The following PSMC6 variants were observed in gnomAD, a reference collection of about 807,000 sequenced individuals.
PSMC6 encodes the protein 26S proteasome regulatory subunit 10B.
PSMC6 carries 3 observed loss-of-function variants against 55.9 expected under a neutral mutation model. The observed-to-expected ratio is 0.05, with a 90% CI of 0.02 to 0.14. PSMC6 has a LOEUF of 0.14. PSMC6 is among the 10% of genes least tolerant of loss of function. The pLI is 1.00. For synonymous variants in PSMC6, 137 were observed against 155.9 expected, an observed-to-expected ratio of 0.88 and a Z score of 0.90; for missense variants, 210 against 478.7, an observed-to-expected ratio of 0.44 and a Z score of 5.24.
chr14:52,708,224 T>A, intron 1 of PSMC6, 85 bp from the exon 2 acceptor site: 1 of 1,161,360 alleles, frequency 8.6e-7, no homozygotes, highest in Non-Finnish European at 1.3e-6. Context: ...GAAGTAGACT[T>A]ACGTAAACAG....
chr14:52,724,135 G>C, intron 13 of PSMC6, 99 bp downstream of exon 13: 1 of 1,140,732 alleles, frequency 8.8e-7, no homozygotes, highest in Non-Finnish European at 1.3e-6. Context: ...ACTTTGCAAG[G>C]ATTTGGGTTC....
chr14:52,718,570 C>T (rs557619587), intron 9 of PSMC6: 3 of 481,596 alleles, frequency 6.2e-6, no homozygotes, highest in East Asian at 8.2e-5. Context: ...GGGCAGATCA[C>T]CAGGTCAGGA....
chr14:52,711,163 C>T lies in PSMC6; in HGVS notation c.321C>T (p.Ile107=), dbSNP rs757504837. 49 of 1,612,780 alleles carry T rather than the reference C, an allele frequency of 3.0e-5. No individual in the cohort carries two copies. The East Asian group carries it at 1.0e-3, about 34-fold the overall frequency. ...CTTTGGATATGACTACACTAACTATCATGAGGTGGGTTTCTTATTCTATTT... is the reference window on the plus strand; with the variant it reads ...CTTTGGATATGACTACACTAACTATTATGAGGTGGGTTTCTTATTCTATTT... ...RVALDMTTLT[I]MRYLPREVDP... Residue 107 remains isoleucine (I), a synonymous_variant, in exon 5 of 14, where the codon ATC becomes ATT. Transcript: ENST00000445930.
rs71444775 is a variant in PSMC6, at chr14:52,720,367, C to CAAAAAAA, written c.778-470_778-464dup. 2.3e-3 allele frequency among the ~76,000 whole-genome samples: 94 copies of CAAAAAAA among 41,480 alleles called. 14 individuals are homozygous for CAAAAAAA. The highest frequency in any genetic ancestry group is 3.1e-3 in the African/African-American group (35 of 11,250). The allele number at this position is 41,480 out of a possible 152,430, so 27.2% of individuals were successfully genotyped here. ...TGGGTGACAGAGTGAAACTCTGTCT[C>CAAAAAAA]AAAAAAAAAAAAAAAAAAAAAAAAA... On this transcript the variant is annotated intron_variant, in intron 10 of 13. Transcript: ENST00000445930.
intron 10 of PSMC6, among the ~76,000 whole-genome samples, chr14:52,719,478 G>A (rs1281311965): frequency 1.3e-5 from 2 of 152,146 alleles, no homozygotes; most frequent in African/African-American, 4.8e-5. Context: ...TAATTGAAGA[G>A]GATAGATGAC....
chr14:52,726,619 A>T (rs955168391), intron 13 of PSMC6, among the ~76,000 whole-genome samples: 1 of 152,112 alleles, frequency 6.6e-6, no homozygotes, highest in Admixed American at 6.6e-5. Flanking sequence ...AATCAGATAC[A>T]GGGACCATTT....
rs560426368 is a variant in PSMC6, at chr14:52,727,874, A to G, written c.*257A>G. On this transcript the variant is annotated 3_prime_UTR_variant, in exon 14 of 14. Transcript: ENST00000445930. ...CATATTTGCTGCGTGAGCATTTTGT[A>G]AAATATTGAAAGTGGTTTGAGATAG... 3.2e-6 allele frequency: 1 copy of G among 312,332 alleles called. No homozygotes were observed. The highest frequency in any genetic ancestry group is 2.2e-5 in the African/African-American group (1 of 46,508). The allele number at this position is 312,332 out of a possible 1,614,324, so 19.3% of individuals were successfully genotyped here.
Position 52,708,250 on chromosome 14 carries a change from C to T in PSMC6, c.86-59C>T, listed in dbSNP as rs993204635. 1.1e-5 allele frequency: 16 copies of T among 1,410,794 alleles called. No homozygotes were observed. The Admixed American group carries it at 1.2e-4, about 11-fold the overall frequency. The allele number at this position is 1,410,794 out of a possible 1,614,324, so 87.4% of individuals were successfully genotyped here. A position where few individuals can be genotyped will look rare whatever the true frequency, so the allele number is the denominator to read the frequency against. On this transcript the variant is annotated intron_variant, in intron 1 of 13. Transcript: ENST00000445930. ...ACGTAAACAGTAAAGTGAGACGTAGCGACTTAAACACACTAAGATTACTGT... is the reference window on the plus strand; with the variant it reads ...ACGTAAACAGTAAAGTGAGACGTAGTGACTTAAACACACTAAGATTACTGT...
chr14:52,711,390 T>G lies in PSMC6; in HGVS notation c.327-20T>G. On this transcript the variant is annotated intron_variant, in intron 5 of 13. Coordinates refer to ENST00000445930, the MANE Select transcript of PSMC6 (RefSeq NM_002806.5). ...GAAAATATATCTTTCAAAAGAAAAA[T>G]ACATACCTTTTCATTCTAGATATTT... The G allele has an allele frequency of 6.4e-7, 1 of 1,561,880 alleles. No individual in the cohort carries two copies. Among genetic ancestry groups the G allele is most frequent in the Non-Finnish European group, 8.8e-7 (1 of 1,138,958 alleles).
At chr14:52,722,527 G>C (rs1321939758) in intron 12 of PSMC6, 1 of 152,180 alleles carries the variant, frequency 6.6e-6, no homozygotes, top group Non-Finnish European at 1.5e-5. Context: ...TATGATGACA[G>C]GTTCTTAGAT....
chr14:52,714,859 C>A (rs909515451), intron 7 of PSMC6, among the ~76,000 whole-genome samples: 3 of 126,006 alleles, frequency 2.4e-5, no homozygotes, highest in Admixed American at 8.5e-5. Flanking sequence ...GAGTGAGACT[C>A]CTTCTCAAAA....
chr14:52,710,814 A>G (rs898871735), intron 4 of PSMC6: 3 of 381,756 alleles, frequency 7.9e-6, no homozygotes, highest in Admixed American at 8.6e-5. Context: ...ATGCTTTGGT[A>G]GCAATTCCCA....
chr14:52,716,543 C>T (rs1006537722), intron 7 of PSMC6, among the ~76,000 whole-genome samples: 5 of 152,062 alleles, frequency 3.3e-5, no homozygotes, highest in East Asian at 1.9e-4. Context: ...CACCTGAGGT[C>T]GGGAGTTCGA....
chr14:52,710,688 A>G, intron 4 of PSMC6: 1 of 214,154 alleles, frequency 4.7e-6, no homozygotes, highest in South Asian at 7.1e-5. Flanking sequence ...TACTCTCATG[A>G]GCATTTAACA....
intron 7 of PSMC6, among the ~76,000 whole-genome samples, chr14:52,715,619 C>CTTTT (rs35579887): frequency 2.1e-5 from 3 of 140,992 alleles, no homozygotes; most frequent in East Asian, 4.1e-4. Context: ...CTTTTCTTTT[C>CTTTT]TTTTTTTTTT....
At position 52,723,951 on chromosome 14, in the gene PSMC6, T is replaced by A. The variant is rs199728441; in HGVS notation, c.980-14T>A. On this transcript the variant is annotated splice_polypyrimidine_tract_variant and intron_variant, in intron 12 of 13. Coordinates refer to ENST00000445930, the MANE Select transcript of PSMC6 (RefSeq NM_002806.5). ...TAATTTTTAAAACTAATTTCCAGTA[T>A]TTTTTCTAAACAGATTATGAAGCAA... 97 of 1,610,698 alleles carry A rather than the reference T, an allele frequency of 6.0e-5. No individual in the cohort carries two copies. The Middle Eastern group carries it at 1.5e-3, about 25-fold the overall frequency.
chr14:52,719,173 A>G, intron 10 of PSMC6, 135 bp downstream of exon 10: 1 of 854,162 alleles, frequency 1.2e-6, no homozygotes, highest in Non-Finnish European at 1.8e-6. Flanking sequence ...GTCAGGAACA[A>G]ACATGTTTCT....
chr14:52,709,182 A>G (rs1011811048), intron 4 of PSMC6: 16 of 203,660 alleles, frequency 7.9e-5, no homozygotes, highest in Admixed American at 7.3e-4. Context: ...ACTGTTACTT[A>G]TGGACTGTAC....
Position 52,708,264 on chromosome 14 carries a change from T to C in PSMC6, c.86-45T>C, listed in dbSNP as rs769347249. 19 of 1,523,746 alleles carry C rather than the reference T, an allele frequency of 1.2e-5. No individual in the cohort carries two copies. The South Asian group carries it at 1.9e-4, about 15-fold the overall frequency. The allele number at this position is 1,523,746 out of a possible 1,614,324, so 94.4% of individuals were successfully genotyped here. On this transcript the variant is annotated intron_variant, in intron 1 of 13. Coordinates refer to ENST00000445930, the MANE Select transcript of PSMC6 (RefSeq NM_002806.5). ...GTGAGACGTAGCGACTTAAACACACTAAGATTACTGTTCAATTAAAAATGT... is the reference window on the plus strand; with the variant it reads ...GTGAGACGTAGCGACTTAAACACACCAAGATTACTGTTCAATTAAAAATGT...
Sources: gnomAD v4.1 joint callset for allele counts (sites outside exome capture counted in the v4.1 genomes callset) on GRCh38, gnomAD v4.1.1 for gene constraint, MANE v1.5 for transcripts, NCBI Gene and HGNC (gene_info 2026-07-23, HGNC 2026-07-21) for gene names.